DHX15: variants seen among roughly 807,000 people sequenced by gnomAD.
DHX15 encodes the protein ATP-dependent RNA helicase DHX15.
A neutral mutation model predicts 94.4 loss-of-function variants in DHX15; 11 were observed. The ratio of observed to expected loss-of-function variants is 0.12; its 90% CI spans 0.07 to 0.19. The LOEUF (loss-of-function observed/expected upper bound fraction) is 0.19. Among genes scored for constraint, DHX15 ranks in the 10% least tolerant of loss-of-function variants. DHX15 has a pLI of 1.00. For synonymous variants in DHX15, 338 were observed against 329.9 expected, an observed-to-expected ratio of 1.02 and a Z score of -0.27; for missense variants, 304 against 988.5, an observed-to-expected ratio of 0.31 and a Z score of 9.29.
At chr4:24,529,287 T>C (rs1721029740) in intron 13 of DHX15, among the ~76,000 whole-genome samples, 2 of 152,198 alleles carry the variant, frequency 1.3e-5, no homozygotes, top group South Asian at 4.1e-4. Context: ...GATCCTCCCA[T>C]CCTGGCCTCC....
At chr4:24,561,929 A>C (rs957377755) in intron 3 of DHX15, among the ~76,000 whole-genome samples, 4 of 152,140 alleles carry the variant, frequency 2.6e-5, no homozygotes, top group African/African-American at 9.7e-5. Context: ...TCAAAGTTCA[A>C]GACCAGCCTG....
chr4:24,562,715 G>A (rs900652312), intron 3 of DHX15, among the ~76,000 whole-genome samples: 1 of 152,134 alleles, frequency 6.6e-6, no homozygotes, highest in African/African-American at 2.4e-5. Flanking sequence ...GTCTCCATCA[G>A]TTGGGTCAAG....
chr4:24,580,406 C>A (rs150242768), intron 1 of DHX15, among the ~76,000 whole-genome samples: 1 of 151,458 alleles, frequency 6.6e-6, no homozygotes, highest in East Asian at 1.9e-4. Flanking sequence ...GACCCTGTCT[C>A]TAAAAAATAA....
At chr4:24,556,724 C>A (rs1324860288) in intron 3 of DHX15, among the ~76,000 whole-genome samples, 1 of 152,174 alleles carries the variant, frequency 6.6e-6, no homozygotes, top group Non-Finnish European at 1.5e-5. Context: ...CAAAATTCGT[C>A]ATTTTCAATT....
At chr4:24,579,757 T>C (rs957681547) in intron 1 of DHX15, among the ~76,000 whole-genome samples, 7 of 152,102 alleles carry the variant, frequency 4.6e-5, no homozygotes, top group African/African-American at 1.7e-4. Context: ...CCAATATCGG[T>C]TGTTGTTGTT....
At chr4:24,579,644 C>T (rs888436487) in intron 1 of DHX15, among the ~76,000 whole-genome samples, 6 of 152,088 alleles carry the variant, frequency 3.9e-5, no homozygotes, top group Admixed American at 2.6e-4. Context: ...TCTTCCCTCA[C>T]CTATAAGATG....
At chr4:24,530,668 G>A (rs1260590578) in intron 12 of DHX15, 1 of 147,816 alleles carries the variant, frequency 6.8e-6, no homozygotes, top group Non-Finnish European at 1.5e-5. Context: ...ACAAAGACAG[G>A]AAAATAAAAA....
Position 24,527,729 on chromosome 4 carries a change from TAC to T in DHX15, c.*193_*194del. On this transcript the variant is annotated 3_prime_UTR_variant, in exon 14 of 14. Transcript: ENST00000336812. ...ATTGATCGACTTTTCCAGTATGAGC[TAC>T]AGTGTCAACACAAAAGGGAGGCATA... 1 of 521,162 alleles carries T rather than the reference TAC, an allele frequency of 1.9e-6. No individual in the cohort carries two copies. The highest frequency in any genetic ancestry group is 3.4e-6 in the Non-Finnish European group (1 of 292,392). 32.3% of individuals were successfully genotyped at this position (521,162 alleles called of 1,614,324 possible).
At position 24,576,468 on chromosome 4, in the gene DHX15, T is replaced by G. The variant is rs1062681; in HGVS notation, c.282A>C (p.Ser94=). The G allele has an allele frequency of 1.2e-6, 2 of 1,614,154 alleles. No homozygotes were observed. Among genetic ancestry groups the G allele is most frequent in the Admixed American group, 1.7e-5 (1 of 60,020 alleles). The change falls in exon 2 of 14, where the codon TCA becomes TCC. Residue 94 remains serine (S), a synonymous_variant. Coordinates refer to ENST00000336812, the MANE Select transcript of DHX15 (RefSeq NM_001358.3). ...CATGCGTTGAATGAGCAGAATGTGT[T>G]GAATGCGTTGAATGTGCTGAGTGGG... is the stretch of plus-strand genomic sequence containing the variant. ...HSTHSAHSTH[S]THSAHSTHAG...
chr4:24,529,563 T>C (rs765742008), intron 13 of DHX15, 38 bp downstream of exon 13: 1 of 1,594,638 alleles, frequency 6.3e-7, no homozygotes, highest in Non-Finnish European at 8.6e-7. Flanking sequence ...TTGAGCAAAG[T>C]ACTAACAAAA....
At chr4:24,542,882 T>A in intron 7 of DHX15, 58 bp downstream of exon 7, 1 of 1,229,972 alleles carries the variant, frequency 8.1e-7, no homozygotes, top group Non-Finnish European at 1.2e-6. Flanking sequence ...ATTAAATGAA[T>A]TGGTTGTAAG....
intron 6 of DHX15, among the ~76,000 whole-genome samples, chr4:24,545,702 C>T (rs1225049368): frequency 1.3e-5 from 2 of 152,110 alleles, no homozygotes; most frequent in Non-Finnish European, 2.9e-5. Flanking sequence ...TGAGGCAAGC[C>T]CTAACCATGT....
intron 1 of DHX15, among the ~76,000 whole-genome samples, chr4:24,581,848 T>C (rs1266983291): frequency 6.6e-6 from 1 of 152,094 alleles, no homozygotes; most frequent in African/African-American, 2.4e-5. Flanking sequence ...AAAGAAGAAA[T>C]GAGGCCAGAA....
At chr4:24,554,997 C>G in intron 4 of DHX15, 54 bp from the exon 5 acceptor site, 3 of 1,396,164 alleles carry the variant, frequency 2.1e-6, no homozygotes. Context: ...CTTACATGGT[C>G]TTACAGTATA....
intron 1 of DHX15, among the ~76,000 whole-genome samples, chr4:24,578,876 C>G (rs1181186637): frequency 1.3e-5 from 2 of 152,062 alleles, no homozygotes; most frequent in Admixed American, 6.5e-5. Flanking sequence ...TTAATGATTT[C>G]TATACTTCTA....
At chr4:24,560,376 T>C (rs1047061967) in intron 3 of DHX15, among the ~76,000 whole-genome samples, 1 of 152,036 alleles carries the variant, frequency 6.6e-6, no homozygotes, top group African/African-American at 2.4e-5. Context: ...GTTAAATGTT[T>C]AAAACAAAAA....
chr4:24,565,178 T>G (rs555811060), intron 3 of DHX15, among the ~76,000 whole-genome samples: 1 of 152,244 alleles, frequency 6.6e-6, no homozygotes, highest in Non-Finnish European at 1.5e-5. Context: ...TTTTAAGATA[T>G]TGGCACTGTA....
chr4:24,547,927 A>ATATCTATC (rs1560765863), intron 6 of DHX15, among the ~76,000 whole-genome samples: 2 of 102,958 alleles, frequency 1.9e-5, no homozygotes, highest in South Asian at 2.7e-4. Context: ...ATATATATAT[A>ATATCTATC]TATATATATA....
chr4:24,540,021 T>C, intron 10 of DHX15, 87 bp downstream of exon 10: 2 of 953,396 alleles, frequency 2.1e-6, no homozygotes, highest in Non-Finnish European at 1.5e-6. Flanking sequence ...TCCACTATCA[T>C]ACTAAAAATT....
Sources: gnomAD v4.1 joint callset for allele counts (sites outside exome capture counted in the v4.1 genomes callset) on GRCh38, gnomAD v4.1.1 for gene constraint, MANE v1.5 for transcripts, NCBI Gene and HGNC (gene_info 2026-07-23, HGNC 2026-07-21) for gene names.